TMEFF2: variants seen among roughly 807,000 people sequenced by gnomAD.
TMEFF2 encodes tomoregulin-2.
A neutral mutation model predicts 53.8 loss-of-function variants in TMEFF2; 28 were observed. That is an observed-to-expected ratio of 0.52 (90% CI 0.39 to 0.71). The LOEUF (loss-of-function observed/expected upper bound fraction) is 0.71, where lower values mean the gene tolerates loss of function less well. Among genes scored for constraint, TMEFF2 ranks in the 30% least tolerant of loss-of-function variants. The probability of loss-of-function intolerance (pLI) is 0.00; values close to 1 mark genes in which losing one functional copy is unlikely to be tolerated. For synonymous variants in TMEFF2, 162 were observed against 166.3 expected, an observed-to-expected ratio of 0.97 and a Z score of 0.20; for missense variants, 353 against 455.2, an observed-to-expected ratio of 0.78 and a Z score of 2.04.
At chr2:191,973,379 G>T (rs2105806521) in intron 7 of TMEFF2, among the ~76,000 whole-genome samples, 2 of 152,118 alleles carry the variant, frequency 1.3e-5, no homozygotes, top group East Asian at 3.9e-4. Context: ...TAACAGGTAT[G>T]TAAGTTTAAG....
At chr2:191,970,883 C>A (rs758662233) in intron 7 of TMEFF2, among the ~76,000 whole-genome samples, 1 of 152,158 alleles carries the variant, frequency 6.6e-6, no homozygotes, top group Non-Finnish European at 1.5e-5. Context: ...TAATCGTGTA[C>A]TGTTTTACTC....
At chr2:192,069,358 A>T (rs1249754872) in intron 4 of TMEFF2, among the ~76,000 whole-genome samples, 3 of 78,342 alleles carry the variant, frequency 3.8e-5, no homozygotes, top group Non-Finnish European at 1.1e-4. Flanking sequence ...TCCCATCCAA[A>T]CAAAGTGTTT....
chr2:192,112,133 G>C (rs563505732), intron 4 of TMEFF2, among the ~76,000 whole-genome samples: 3 of 152,314 alleles, frequency 2.0e-5, no homozygotes, highest in African/African-American at 7.2e-5. Context: ...GGAGCTGAGA[G>C]AAGAAGACCA....
chr2:192,144,036 A>T (rs2105992744), intron 4 of TMEFF2, among the ~76,000 whole-genome samples: 1 of 152,270 alleles, frequency 6.6e-6, no homozygotes, highest in East Asian at 1.9e-4. Flanking sequence ...GGGTTATTTT[A>T]AAACTGTGGT....
At chr2:192,045,228 GA>G (rs1295936343) in intron 5 of TMEFF2, among the ~76,000 whole-genome samples, 2 of 152,222 alleles carry the variant, frequency 1.3e-5, no homozygotes, top group African/African-American at 2.4e-5. Flanking sequence ...GGACAATGGT[GA>G]AGAAAAATCC....
intron 5 of TMEFF2, among the ~76,000 whole-genome samples, chr2:192,025,390 T>TA (rs397775920): frequency 8.0e-5 from 12 of 150,328 alleles, no homozygotes; most frequent in East Asian, 1.9e-4. Context: ...TTTTTTTTTT[T>TA]AATTTAATGA....
chr2:192,026,922 T>C (rs1424760287), intron 5 of TMEFF2, among the ~76,000 whole-genome samples: 4 of 152,224 alleles, frequency 2.6e-5, no homozygotes, highest in African/African-American at 9.6e-5. Flanking sequence ...GTGCAAGCCA[T>C]TAAAAGGGCG....
At chr2:191,993,600 A>G (rs994564809) in intron 7 of TMEFF2, among the ~76,000 whole-genome samples, 2 of 152,010 alleles carry the variant, frequency 1.3e-5, no homozygotes, top group Admixed American at 6.6e-5. Context: ...TTCCTGTTCA[A>G]CCTATGTATC....
intron 4 of TMEFF2, among the ~76,000 whole-genome samples, chr2:192,136,762 T>C (rs536803162): frequency 1.3e-5 from 2 of 152,348 alleles, no homozygotes; most frequent in East Asian, 3.9e-4. Context: ...CATAAATTAA[T>C]ATTTGACACC....
At chr2:192,083,110 T>G (rs1400449085) in intron 4 of TMEFF2, among the ~76,000 whole-genome samples, 1 of 152,044 alleles carries the variant, frequency 6.6e-6, no homozygotes, top group Admixed American at 6.6e-5. Flanking sequence ...ATATGTGACA[T>G]TTACAGGCCC....
rs10199527 is a variant in TMEFF2, at chr2:192,112,267, C to T, written c.440-54492G>A. 4.6e-3 allele frequency among the ~76,000 whole-genome samples: 694 copies of T among 152,314 alleles called. 6 individuals carry two copies. The highest frequency in any genetic ancestry group is 0.016 in the African/African-American group (674 of 41,576). ...GAGGGAGGCTGTCACTGCAAAGCAA[C>T]AGGGGCAGAGCTGCCCAAGGCCATG... is the stretch of plus-strand genomic sequence containing the variant. On this transcript the variant is annotated intron_variant, in intron 4 of 9. Coordinates refer to ENST00000272771, the MANE Select transcript of TMEFF2 (RefSeq NM_016192.4).
intron 4 of TMEFF2, among the ~76,000 whole-genome samples, chr2:192,066,553 G>A (rs1391133657): frequency 1.3e-5 from 2 of 151,848 alleles, no homozygotes; most frequent in Non-Finnish European, 1.5e-5. Flanking sequence ...GCTAGAGCTT[G>A]ACAAAGCTTC....
chr2:192,162,076 G>C (rs1310153274), intron 4 of TMEFF2, among the ~76,000 whole-genome samples: 1 of 152,174 alleles, frequency 6.6e-6, no homozygotes, highest in African/African-American at 2.4e-5. Flanking sequence ...GTTGGTGAAA[G>C]TTAGCTAATC....
chr2:192,034,105 G>A (rs1178112113), intron 5 of TMEFF2, among the ~76,000 whole-genome samples: 1 of 150,948 alleles, frequency 6.6e-6, no homozygotes, highest in East Asian at 1.9e-4. Flanking sequence ...AACCCGGGAG[G>A]CGGAGCTTGC....
chr2:192,060,043 A>T (rs1559108329), intron 4 of TMEFF2, among the ~76,000 whole-genome samples: 3 of 146,880 alleles, frequency 2.0e-5, no homozygotes, highest in African/African-American at 7.5e-5. Flanking sequence ...CGTGGATCAT[A>T]TTTTTTTTTT....
chr2:192,103,148 G>A (rs1472306560), intron 4 of TMEFF2, among the ~76,000 whole-genome samples: 1 of 151,992 alleles, frequency 6.6e-6, no homozygotes, highest in Non-Finnish European at 1.5e-5. Flanking sequence ...GTGTTTCATC[G>A]AACGTGGTAC....
chr2:192,173,203 T>C (rs1280696011), intron 4 of TMEFF2, among the ~76,000 whole-genome samples: 2 of 151,918 alleles, frequency 1.3e-5, no homozygotes, highest in African/African-American at 4.8e-5. Flanking sequence ...CCAATTACCC[T>C]GATCTTATCA....
chr2:192,089,142 C>A (rs1289008253), intron 4 of TMEFF2, among the ~76,000 whole-genome samples: 1 of 152,036 alleles, frequency 6.6e-6, no homozygotes, highest in Non-Finnish European at 1.5e-5. Flanking sequence ...CCATTTTTTT[C>A]ACTGAATTAG....
intron 4 of TMEFF2, among the ~76,000 whole-genome samples, chr2:192,094,003 C>A (rs188804260): frequency 6.6e-6 from 1 of 152,190 alleles, no homozygotes; most frequent in Admixed American, 6.5e-5. Flanking sequence ...TGTTTTCTCA[C>A]GCCTGTGGGT....
Sources: allele counts gnomAD v4.1 joint callset (sites outside exome capture counted in the v4.1 genomes callset), GRCh38; gene constraint gnomAD v4.1.1; transcripts MANE v1.5; gene names NCBI Gene and HGNC (gene_info 2026-07-23, HGNC 2026-07-21).